Variants in LSAMP observed in about 807,000 individuals in gnomAD.
LSAMP encodes limbic system associated membrane protein, also known as limbic system-associated membrane protein.
Under a neutral mutation model 38.6 loss-of-function variants are expected in LSAMP, and 7 were observed. The ratio of observed to expected loss-of-function variants is 0.18; its 90% CI spans 0.10 to 0.34. LSAMP has a LOEUF of 0.34. Among genes scored for constraint, LSAMP ranks in the 10% least tolerant of loss-of-function variants. LSAMP has a pLI of 1.00. For synonymous variants in LSAMP, 154 were observed against 166.8 expected (o/e 0.92, Z 0.59); for missense variants, 313 against 420.0 (o/e 0.75, Z 2.23).
At chr3:115,895,209 C>G (rs1217699127) in intron 3 of LSAMP, among the ~76,000 whole-genome samples, 2 of 152,046 alleles carry the variant, frequency 1.3e-5, no homozygotes, top group African/African-American at 4.8e-5. Flanking sequence ...GTTATCAGAG[C>G]AGTTCAATCT....
chr3:115,942,851 C>G (rs1937970732), intron 3 of LSAMP, among the ~76,000 whole-genome samples: 1 of 152,112 alleles, frequency 6.6e-6, no homozygotes, highest in Non-Finnish European at 1.5e-5. Context: ...ACGGTGAAAA[C>G]AGAATCATGG....
At chr3:115,909,785 T>C (rs1488878535) in intron 3 of LSAMP, among the ~76,000 whole-genome samples, 2 of 151,944 alleles carry the variant, frequency 1.3e-5, no homozygotes, top group Non-Finnish European at 2.9e-5. Flanking sequence ...GGGTGGGGAG[T>C]AGTAAGAAGC....
rs781362405 is a variant in LSAMP, at chr3:116,398,823, G to A, written c.155+46054C>T. 1.4e-4 allele frequency among the ~76,000 whole-genome samples: 22 copies of A among 152,332 alleles called. No individual in the cohort carries two copies. The Middle Eastern group carries it at 0.02, about 141-fold the overall frequency. Reference sequence around the variant, plus strand: ...CTTCACTGTTCTCAACGAGTTGGCAGTCTTGTGAGGCAGAAACATGACAAT... The same window carrying A: ...CTTCACTGTTCTCAACGAGTTGGCAATCTTGTGAGGCAGAAACATGACAAT... On this transcript the variant is annotated intron_variant, in intron 1 of 6. Transcript: ENST00000490035.
Position 116,233,995 on chromosome 3 carries a change from G to T in LSAMP, c.156-147439C>A, listed in dbSNP as rs186658778. 2.6e-3 allele frequency among the ~76,000 whole-genome samples: 392 copies of T among 152,288 alleles called. 2 individuals are homozygous for T. The highest frequency in any genetic ancestry group is 3.7e-3 in the Non-Finnish European group (249 of 68,028). On this transcript the variant is annotated intron_variant, in intron 1 of 6. Coordinates refer to ENST00000490035, the MANE Select transcript of LSAMP (RefSeq NM_002338.5). ...ACTTGAAGTGCTGGACTTAAAATCT[G>T]GTTCAAGCAAAAAACTTCTGACTAG... is the stretch of plus-strand genomic sequence containing the variant.
intron 3 of LSAMP, among the ~76,000 whole-genome samples, chr3:115,971,159 G>T (rs555337400): frequency 5.6e-4 from 86 of 152,274 alleles, no homozygotes; most frequent in Non-Finnish European, 9.3e-4. Context: ...TGTGATCCTG[G>T]AGTGATGAAA....
intron 3 of LSAMP, among the ~76,000 whole-genome samples, chr3:115,969,528 T>A (rs1938942199): frequency 6.6e-6 from 1 of 152,182 alleles, no homozygotes; most frequent in Admixed American, 6.5e-5. Context: ...TGGATGAAGG[T>A]GACCCACCCT....
intron 6 of LSAMP, among the ~76,000 whole-genome samples, chr3:115,820,513 A>T (rs1934195900): frequency 6.6e-6 from 1 of 152,188 alleles, no homozygotes; most frequent in Non-Finnish European, 1.5e-5. Context: ...AATATTAGGA[A>T]AGGCAAGTGC....
intron 3 of LSAMP, among the ~76,000 whole-genome samples, chr3:115,909,958 T>C (rs907948869): frequency 6.6e-6 from 1 of 152,220 alleles, no homozygotes; most frequent in African/African-American, 2.4e-5. Context: ...ATGGTAGTTA[T>C]TTTGGGCTTG....
chr3:115,861,171 TTCC>T (rs1935682210), intron 3 of LSAMP, among the ~76,000 whole-genome samples: 1 of 120,112 alleles, frequency 8.3e-6, no homozygotes, highest in South Asian at 3.2e-4. Context: ...CCTTCCTTCC[TTCC>T]TTCCTTCCTT....
At chr3:116,136,981 C>G (rs973693094) in intron 1 of LSAMP, among the ~76,000 whole-genome samples, 2 of 151,926 alleles carry the variant, frequency 1.3e-5, no homozygotes, top group Admixed American at 1.3e-4. Flanking sequence ...GGCCAGAAAT[C>G]CAAAACCAAG....
intron 3 of LSAMP, among the ~76,000 whole-genome samples, chr3:115,874,676 A>G (rs1051010508): frequency 1.3e-5 from 2 of 152,154 alleles, no homozygotes; most frequent in African/African-American, 4.8e-5. Flanking sequence ...CCTGTCTTCA[A>G]CTTCATGAAG....
At chr3:116,225,985 C>G (rs1336071881) in intron 1 of LSAMP, among the ~76,000 whole-genome samples, 1 of 152,126 alleles carries the variant, frequency 6.6e-6, no homozygotes, top group Admixed American at 6.5e-5. Flanking sequence ...TTCTGTGCAT[C>G]TTTCTGTCTG....
intron 1 of LSAMP, among the ~76,000 whole-genome samples, chr3:116,257,260 T>C (rs983338879): frequency 3.3e-5 from 5 of 152,154 alleles, no homozygotes; most frequent in Non-Finnish European, 5.9e-5. Flanking sequence ...GTATGCCCAA[T>C]CTGTGCATGT....
chr3:115,981,566 G>T (rs1939361652), intron 3 of LSAMP, among the ~76,000 whole-genome samples: 1 of 151,968 alleles, frequency 6.6e-6, no homozygotes, highest in Non-Finnish European at 1.5e-5. Flanking sequence ...TCCACTTTCT[G>T]ACATCAGCAG....
At chr3:116,325,684 A>T (rs1247452412) in intron 1 of LSAMP, among the ~76,000 whole-genome samples, 1 of 152,070 alleles carries the variant, frequency 6.6e-6, no homozygotes, top group African/African-American at 2.4e-5. Flanking sequence ...TATAGCAGAT[A>T]TTTTCTCTTT....
At chr3:116,294,282 G>A (rs2047302299) in intron 1 of LSAMP, among the ~76,000 whole-genome samples, 1 of 152,138 alleles carries the variant, frequency 6.6e-6, no homozygotes. Context: ...AGGCTGGAAG[G>A]ACAATGTTTG....
intron 3 of LSAMP, among the ~76,000 whole-genome samples, chr3:115,939,938 C>A (rs1342855480): frequency 6.6e-6 from 1 of 152,074 alleles, no homozygotes; most frequent in Non-Finnish European, 1.5e-5. Flanking sequence ...GCCACGGACC[C>A]TCACGGTGAG....
intron 3 of LSAMP, among the ~76,000 whole-genome samples, chr3:115,971,296 A>G (rs1939010070): frequency 6.6e-6 from 1 of 152,218 alleles, no homozygotes; most frequent in East Asian, 1.9e-4. Flanking sequence ...TAAAAGTTTC[A>G]TAATAAAACA....
chr3:115,965,345 G>T (rs557127209), intron 3 of LSAMP, among the ~76,000 whole-genome samples: 2 of 151,930 alleles, frequency 1.3e-5, no homozygotes, highest in African/African-American at 4.8e-5. Flanking sequence ...AAATGAAATT[G>T]TAATCTTACT....
Sources: allele counts gnomAD v4.1 joint callset (sites outside exome capture counted in the v4.1 genomes callset), GRCh38; gene constraint gnomAD v4.1.1; transcripts MANE v1.5; gene names NCBI Gene and HGNC (gene_info 2026-07-23, HGNC 2026-07-21).